MOBP: variants seen among roughly 807,000 people sequenced by gnomAD.
The protein encoded by MOBP is myelin-associated oligodendrocyte basic protein.
In MOBP, 5 loss-of-function variants were observed where a neutral mutation model predicts 15.0. The observed-to-expected ratio is 0.33, with a 90% CI of 0.17 to 0.70. MOBP has a LOEUF of 0.70. Among genes scored for constraint, MOBP ranks in the 30% least tolerant of loss-of-function variants. The pLI is 0.67. For synonymous variants in MOBP, 88 were observed against 99.0 expected (o/e 0.89, Z 0.66); for missense variants, 188 against 257.8 (o/e 0.73, Z 1.85).
chr3:39,513,314 C>G lies in MOBP; in HGVS notation c.*-69C>G. 2.9e-6 allele frequency: 4 copies of G among 1,382,960 alleles called. No individual in the cohort carries two copies. The South Asian group carries it at 4.8e-5, about 17-fold the overall frequency. The allele number at this position is 1,382,960 out of a possible 1,614,324, so 85.7% of individuals were successfully genotyped here. On this transcript the variant is annotated intron_variant, in intron 4 of 4. Coordinates refer to the MOBP transcript ENST00000311042. ...AATCCACAATTATACTAACTGAACA[C>G]AGAGAAAGAGAGAGAGTATACATCA... is the stretch of plus-strand genomic sequence containing the variant.
At chr3:39,504,609 G>A (rs1392957678), downstream of MOBP, among the ~76,000 whole-genome samples, 2 of 152,224 alleles carry the variant, frequency 1.3e-5, no homozygotes, top group African/African-American at 2.4e-5. Context: ...GTCTTCATTC[G>A]TAATGTCCCC....
chr3:39,480,807 C>T (rs1455086064), intron 2 of MOBP, among the ~76,000 whole-genome samples: 1 of 152,238 alleles, frequency 6.6e-6, no homozygotes, highest in Non-Finnish European at 1.5e-5. Flanking sequence ...AGTGAATTAT[C>T]CACTCTGCTC....
At chr3:39,516,636 T>C (rs962483764), downstream of MOBP, among the ~76,000 whole-genome samples, 1 of 152,212 alleles carries the variant, frequency 6.6e-6, no homozygotes, top group Non-Finnish European at 1.5e-5. Context: ...TGAAATGACC[T>C]ATATAATTCT....
chr3:39,472,713 C>T (rs998483321), intron 1 of MOBP, among the ~76,000 whole-genome samples: 1 of 152,138 alleles, frequency 6.6e-6, no homozygotes, highest in African/African-American at 2.4e-5. Context: ...ATCACTTGAG[C>T]TCAGGAGTTT....
intron 2 of MOBP, chr3:39,500,029 A>G (rs1339914153): frequency 2.2e-6 from 1 of 456,072 alleles, no homozygotes; most frequent in African/African-American, 2.0e-5. Context: ...GCCTTGTATG[A>G]CACTCACTGA....
intron 1 of MOBP, among the ~76,000 whole-genome samples, chr3:39,469,360 C>CTAAAATTTATTTTAATTGGAATTAAT (rs768889076): frequency 0.04 from 4,104 of 102,560 alleles, 444 homozygotes; most frequent in South Asian, 0.1. Flanking sequence ...TTGGAATTAA[C>CTAAAATTTATTTTAATTGGAATTAAT]TAAAATTTAT....
At position 39,482,608 on chromosome 3, in the gene MOBP, C is replaced by T. The variant is rs895765639; in HGVS notation, c.-5+2485C>T. On this transcript the variant is annotated intron_variant, in intron 2 of 3. Coordinates refer to ENST00000684792, the MANE Select transcript of MOBP (RefSeq NM_001393704.1). ...TGGAGCTTGCAGTGAGCAGAGATCGCGCCACTGCACTCCAGCCTGGGCAAC... is the reference window on the plus strand; with the variant it reads ...TGGAGCTTGCAGTGAGCAGAGATCGTGCCACTGCACTCCAGCCTGGGCAAC... Among the ~76,000 whole-genome samples the T allele has an allele frequency of 6.1e-5, 9 of 146,568 alleles. No individual in the cohort carries two copies. The South Asian group carries it at 8.9e-4, about 14-fold the overall frequency.
chr3:39,510,901 A>G (rs1226694211), intron 4 of MOBP, among the ~76,000 whole-genome samples: 2 of 152,262 alleles, frequency 1.3e-5, no homozygotes, highest in African/African-American at 4.8e-5. Context: ...AAGGGATTAC[A>G]GCCTGAAGGC....
At chr3:39,525,858 G>T (rs2542), downstream of MOBP, 47,649 of 152,242 alleles carry the variant, frequency 0.31, 9,820 homozygotes, top group African/African-American at 0.59. Flanking sequence ...ATGGGTCTCT[G>T]TAGAAATTCC....
rs1237260383 is a variant in MOBP at position 39,502,563 on chromosome 3, A to G, written c.235A>G (p.Arg79Gly). The G allele has an allele frequency of 2.5e-6, 4 of 1,580,796 alleles. No individual in the cohort carries two copies. The highest frequency in any genetic ancestry group is 3.4e-6 in the Non-Finnish European group (4 of 1,172,426). Residue 79 changes from arginine (R) to glycine (G), a missense_variant, in exon 4 of 4, where the codon AGG becomes GGG. Transcript: ENST00000684792. This position sits in a 1 kb window ranked among gnomAD's most constrained non-coding sequence, Gnocchi z 6.3. ...CAGCCGCCGTGCCAAGTCCCCTCAG[A>G]GGCCCAAGCAACAGCCAGCTGCGCC... ...RTSRRAKSPQ[R>G]PKQQPAAPPA... is the part of the protein sequence containing the mutation.
intron 3 of MOBP, among the ~76,000 whole-genome samples, chr3:39,522,948 C>T (rs1446721122): frequency 6.6e-6 from 1 of 152,350 alleles, no homozygotes; most frequent in South Asian, 2.1e-4. Flanking sequence ...CAAGTGCAAA[C>T]TAATGCCATC....
At chr3:39,523,098 A>T (rs963838543) in intron 3 of MOBP, among the ~76,000 whole-genome samples, 3 of 152,222 alleles carry the variant, frequency 2.0e-5, no homozygotes, top group Non-Finnish European at 2.9e-5. Context: ...AACCCTTGCC[A>T]CTATTCCACA....
downstream of MOBP, among the ~76,000 whole-genome samples, chr3:39,503,784 T>G (rs898684983): frequency 1.3e-5 from 2 of 152,166 alleles, no homozygotes; most frequent in South Asian, 2.1e-4. Flanking sequence ...GTATTTGAGA[T>G]TCTCATATCT....
chr3:39,494,431 GA>G, intron 2 of MOBP, among the ~76,000 whole-genome samples: 1 of 151,742 alleles, frequency 6.6e-6, no homozygotes, highest in East Asian at 1.9e-4. Flanking sequence ...AAGTTATATG[GA>G]AACCTGGAGA....
intron 3 of MOBP, chr3:39,524,232 C>T (rs2043302310): frequency 6.6e-6 from 1 of 152,100 alleles, no homozygotes; most frequent in South Asian, 2.1e-4. Flanking sequence ...ACAGGTTTTC[C>T]TGCCCATTAG....
chr3:39,468,848 TATACATGAGTGTGTATATA>T lies in MOBP; in HGVS notation c.-89+1109_-89+1127del, dbSNP rs1559411592. ...TTACATATGTGTGTATATATACATA[TATACATGAGTGTGTATATA>T]TACATATATACATATGTGTGTGTAT... is the stretch of plus-strand genomic sequence containing the variant. On this transcript the variant is annotated intron_variant, in intron 1 of 3. Transcript: ENST00000684792. Among the ~76,000 whole-genome samples, 2 of 115,176 alleles carry T rather than the reference TATACATGAGTGTGTATATA, an allele frequency of 1.7e-5. 1 individual carries two copies. Among genetic ancestry groups the T allele is most frequent in the Non-Finnish European group, 3.2e-5 (2 of 62,086 alleles). 75.6% of individuals were successfully genotyped at this position (115,176 alleles called of 152,430 possible).
chr3:39,468,987 CATAT>C lies in MOBP; in HGVS notation c.-89+1248_-89+1251del, dbSNP rs1273264965. Among the ~76,000 whole-genome samples, 438 of 75,106 alleles carry C rather than the reference CATAT, an allele frequency of 5.8e-3. 31 individuals are homozygous for C. The highest frequency in any genetic ancestry group is 0.042 in the African/African-American group (398 of 9,590). The allele number at this position is 75,106 out of a possible 152,430, so 49.3% of individuals were successfully genotyped here. On this transcript the variant is annotated intron_variant, in intron 1 of 3. Transcript: ENST00000684792. ...ATGTGTGTGTATATATACATATATACATATGTGTGTGTATATATACATATATACA... is the reference window on the plus strand; with the variant it reads ...ATGTGTGTGTATATATACATATATACGTGTGTGTATATATACATATATACA...
chr3:39,523,698 A>C, intron 3 of MOBP, among the ~76,000 whole-genome samples: 1 of 152,234 alleles, frequency 6.6e-6, no homozygotes, highest in East Asian at 1.9e-4. Flanking sequence ...CAAATTTAGT[A>C]AATTAATACA....
Position 39,500,188 on chromosome 3 carries a change from A to G in MOBP, c.-4-1878A>G, listed in dbSNP as rs976301934. The stretch of plus-strand genomic sequence containing the variant: ...GCCATTAGCACATTATGTGCATTCT[A>G]ATCACTTACTTGCCTGTATCTCCCA... On this transcript the variant is annotated intron_variant, in intron 2 of 3. Coordinates refer to ENST00000684792, the MANE Select transcript of MOBP (RefSeq NM_001393704.1). 8.6e-5 allele frequency: 36 copies of G among 416,972 alleles called. No homozygotes were observed. The East Asian group carries it at 2.2e-3, about 25-fold the overall frequency. 25.8% of individuals were successfully genotyped at this position (416,972 alleles called of 1,614,324 possible).
Sources: gnomAD v4.1 joint callset for allele counts (sites outside exome capture counted in the v4.1 genomes callset) on GRCh38, gnomAD v4.1.1 for gene constraint, Gnocchi (gnomAD v3.1) non-coding constraint, MANE v1.5 for transcripts, NCBI Gene and HGNC (gene_info 2026-07-23, HGNC 2026-07-21) for gene names.